Variants in MROH9 observed in about 807,000 individuals in gnomAD.
The protein encoded by MROH9 is maestro heat-like repeat-containing protein family member 9.
Under a neutral mutation model 98.2 loss-of-function variants are expected in MROH9, and 92 were observed. The observed-to-expected ratio is 0.94, with a 90% CI of 0.79 to 1.11. The LOEUF is 1.11. Ranked by LOEUF, MROH9 falls within the 50% of genes most tolerant of loss-of-function variation. MROH9 has a pLI of 0.00. For missense variants in MROH9, 1,057 were observed against 1,014.8 expected (o/e 1.04, Z -0.57); for synonymous variants, 397 against 368.9 (o/e 1.08, Z -0.87).
chr1:171,042,943 T>C (rs1293026227), intron 20 of MROH9, among the ~76,000 whole-genome samples: 1 of 152,200 alleles, frequency 6.6e-6, no homozygotes, highest in African/African-American at 2.4e-5. Flanking sequence ...GGGTTGTCTC[T>C]TCACTTTGTT....
intron 7 of MROH9, among the ~76,000 whole-genome samples, chr1:170,965,854 C>A (rs1434955350): frequency 6.6e-6 from 1 of 152,034 alleles, no homozygotes; most frequent in Non-Finnish European, 1.5e-5. Context: ...ACATATGGTT[C>A]TACAATTTGC....
chr1:171,045,981 G>T (rs994043012), intron 20 of MROH9, among the ~76,000 whole-genome samples: 1 of 151,934 alleles, frequency 6.6e-6, no homozygotes, highest in Non-Finnish European at 1.5e-5. Context: ...CTCCTATGTT[G>T]GGTGCATATA....
intron 2 of MROH9, among the ~76,000 whole-genome samples, chr1:170,946,137 A>G (rs141486661): frequency 7.9e-5 from 12 of 152,184 alleles, no homozygotes; most frequent in African/African-American, 2.6e-4. Flanking sequence ...CCACATAAAG[A>G]TGAAGTTGAA....
chr1:171,053,031 T>C (rs1653719169), intron 20 of MROH9, among the ~76,000 whole-genome samples: 1 of 152,158 alleles, frequency 6.6e-6, no homozygotes, highest in South Asian at 2.1e-4. Flanking sequence ...AGCAATGACC[T>C]ATACAGAGCT....
intron 1 of MROH9, among the ~76,000 whole-genome samples, chr1:170,944,227 C>T (rs1374777987): frequency 1.3e-5 from 2 of 151,792 alleles, no homozygotes; most frequent in Non-Finnish European, 2.9e-5. Context: ...CAGGTTCTGT[C>T]TAAAGTTTTG....
chr1:171,040,986 T>G (rs1439408388), intron 20 of MROH9, among the ~76,000 whole-genome samples: 2 of 152,022 alleles, frequency 1.3e-5, no homozygotes, highest in Non-Finnish European at 2.9e-5. Flanking sequence ...TGATATAAAT[T>G]TTTTATTTAA....
At position 171,016,335 on chromosome 1, in the gene MROH9, A is replaced by G. The variant is rs775172626; in HGVS notation, c.1907A>G (p.His636Arg). Residue 636 changes from histidine (H) to arginine (R), a missense_variant and splice_region_variant, in exon 17 of 22, where the codon CAT (histidine) becomes CGT (arginine). Coordinates refer to ENST00000367759, the MANE Select transcript of MROH9 (RefSeq NM_001163629.2). ...IGSSYCTLMD[H>R]INGGIRSMAI... ...TCCAGCTACTGTACTCTGATGGATC[A>G]TGTGAGTTACACAGTTAGATATGTG... 25 of 1,495,778 alleles carry G rather than the reference A, an allele frequency of 1.7e-5. No individual in the cohort carries two copies. The South Asian group carries it at 2.7e-4, about 16-fold the overall frequency. The allele number at this position is 1,495,778 out of a possible 1,614,324, so 92.7% of individuals were successfully genotyped here. A position where few individuals can be genotyped will look rare whatever the true frequency, so the allele number is the denominator to read the frequency against.
At chr1:170,970,261 T>C (rs1245193669) in intron 7 of MROH9, among the ~76,000 whole-genome samples, 1 of 152,146 alleles carries the variant, frequency 6.6e-6, no homozygotes, top group African/African-American at 2.4e-5. Context: ...CTGTAAGTGG[T>C]GCTCAGCTTC....
chr1:170,946,976 T>C (rs1649354822), intron 2 of MROH9, among the ~76,000 whole-genome samples: 1 of 151,992 alleles, frequency 6.6e-6, no homozygotes, highest in African/African-American at 2.4e-5. Context: ...TATTTTTAAA[T>C]AATATTTGAT....
intron 15 of MROH9, among the ~76,000 whole-genome samples, chr1:171,005,147 C>G (rs1414729214): frequency 6.6e-6 from 1 of 152,134 alleles, no homozygotes; most frequent in African/African-American, 2.4e-5. Context: ...TTACTGCAAC[C>G]TGTGTCCTCC....
chr1:171,055,476 A>G (rs988455238), intron 20 of MROH9, among the ~76,000 whole-genome samples: 1 of 152,080 alleles, frequency 6.6e-6, no homozygotes, highest in African/African-American at 2.4e-5. Flanking sequence ...CTAAAAAATT[A>G]GCCAGGCATG....
At chr1:170,936,542 C>T (rs1043099259) in intron 1 of MROH9, among the ~76,000 whole-genome samples, 5 of 152,148 alleles carry the variant, frequency 3.3e-5, no homozygotes, top group African/African-American at 9.7e-5. Flanking sequence ...CAGACATACC[C>T]CAAAATAATG....
At chr1:170,999,835 C>T (rs546373537) in intron 15 of MROH9, among the ~76,000 whole-genome samples, 1 of 152,234 alleles carries the variant, frequency 6.6e-6, no homozygotes, top group African/African-American at 2.4e-5. Context: ...GCATTCACAA[C>T]AACATCTACT....
chr1:171,016,422 AAT>A (rs1652330143), intron 17 of MROH9, 86 bp downstream of exon 17: 2 of 1,036,448 alleles, frequency 1.9e-6, no homozygotes, highest in Non-Finnish European at 2.6e-6. Flanking sequence ...TAGGTCACAG[AAT>A]AAGCCAATAG....
intron 2 of MROH9, 123 bp downstream of exon 2, chr1:170,945,704 C>G (rs1362926203): frequency 7.6e-6 from 6 of 793,436 alleles, no homozygotes; most frequent in Non-Finnish European, 1.1e-5. Flanking sequence ...AAAGAATGTA[C>G]CTTTTTTCCC....
At chr1:171,052,851 G>A (rs139651551) in intron 20 of MROH9, among the ~76,000 whole-genome samples, 414 of 152,236 alleles carry the variant, frequency 2.7e-3, no homozygotes, top group African/African-American at 8.4e-3. Context: ...CTGAAAATAC[G>A]CCTTAGTAGG....
chr1:171,032,686 C>CTGA (rs1174060763), intron 20 of MROH9, among the ~76,000 whole-genome samples: 1 of 152,146 alleles, frequency 6.6e-6, no homozygotes, highest in Non-Finnish European at 1.5e-5. Flanking sequence ...GGGCACCAAT[C>CTGA]TGATGCTAGT....
chr1:170,993,905 TTTAAG>T (rs1372914497), intron 12 of MROH9, among the ~76,000 whole-genome samples: 2 of 152,188 alleles, frequency 1.3e-5, no homozygotes, highest in Non-Finnish European at 2.9e-5. Flanking sequence ...TTCTCTCTAT[TTTAAG>T]TTGTCAGCAT....
intron 20 of MROH9, among the ~76,000 whole-genome samples, chr1:171,046,577 CT>C (rs1488519125): frequency 3.3e-5 from 5 of 152,238 alleles, no homozygotes; most frequent in Admixed American, 3.3e-4. Context: ...CATCCCTCTG[CT>C]TTTTAACTTT....
Sources: allele counts gnomAD v4.1 joint callset (sites outside exome capture counted in the v4.1 genomes callset), GRCh38; gene constraint gnomAD v4.1.1; transcripts MANE v1.5; gene names NCBI Gene and HGNC (gene_info 2026-07-23, HGNC 2026-07-21).